M6PR: variants seen among roughly 807,000 people sequenced by gnomAD.
M6PR encodes the protein mannose-6-phosphate receptor, cation dependent, also known as cation-dependent mannose-6-phosphate receptor.
M6PR carries 19 observed loss-of-function variants against 33.1 expected under a neutral mutation model. The observed-to-expected ratio is 0.57, with a 90% CI of 0.40 to 0.84. M6PR has a LOEUF of 0.84. Ranked by LOEUF, M6PR falls within the 40% of genes least tolerant of loss-of-function variation. The pLI is 0.00. For synonymous variants in M6PR, 111 were observed against 123.4 expected, an observed-to-expected ratio of 0.90 and a Z score of 0.67; for missense variants, 295 against 336.0, an observed-to-expected ratio of 0.88 and a Z score of 0.95.
At chr12:8,942,208 T>C in intron 6 of M6PR, 3 of 701,576 alleles carry the variant, frequency 4.3e-6, no homozygotes, top group East Asian at 5.4e-5. Flanking sequence ...GTGTTGCTCT[T>C]TCAGCAATGT....
At position 8,941,848 on chromosome 12, in the gene M6PR, T is replaced by G; in HGVS notation, c.804A>C (p.Glu268Asp). 6.2e-7 allele frequency: 1 copy of G among 1,614,162 alleles called. No individual in the cohort carries two copies. The highest frequency in any genetic ancestry group is 1.3e-5 in the African/African-American group (1 of 75,042). ...TTGGTAATAAATGGTCATCCCTTTC[T>G]TCTGACTCCTCCCCCAGCTGGTCAT... ...VGDDQLGEES[E>D]ERDDHLLPM The change falls in exon 7 of 7, where the codon GAA becomes GAC. Residue 268 changes from glutamate (E) to aspartate (D), a missense_variant. Coordinates refer to ENST00000000412, the MANE Select transcript of M6PR (RefSeq NM_002355.4).
At chr12:8,944,000 A>G (rs781316384) in intron 3 of M6PR, 90 bp from the exon 4 acceptor site, 104 of 831,318 alleles carry the variant, frequency 1.3e-4, no homozygotes, top group Non-Finnish European at 2.0e-4. Context: ...TGCGTAATTC[A>G]TTGCAATTGG....
At chr12:8,941,990 G>A (rs747073752) in intron 6 of M6PR, 50 bp from the exon 7 acceptor site, 1 of 1,603,556 alleles carries the variant, frequency 6.2e-7, no homozygotes, top group Non-Finnish European at 8.5e-7. Context: ...CTAACTTTAG[G>A]ATATGAGAAA....
chr12:8,942,501 A>G lies in M6PR; in HGVS notation c.626T>C (p.Leu209Pro). ...GGCTCCCACTACCAGTCGCTGGTAT[A>G]GGAACCCCCCAACAACATAAACAGC... is the stretch of plus-strand genomic sequence containing the variant. Reference protein sequence around the residue: ...LVAVYVVGGFLYQRLVVGAKG... With the variant: ...LVAVYVVGGFPYQRLVVGAKG... Residue 209 changes from leucine to proline, a missense_variant, in exon 6 of 7, where the codon CTA (leucine) becomes CCA (proline). Leu to Pro is a moderately conservative substitution (Grantham distance 98). Coordinates refer to ENST00000000412, the MANE Select transcript of M6PR (RefSeq NM_002355.4). The G allele has an allele frequency of 6.2e-7, 1 of 1,614,182 alleles. No homozygotes were observed. The highest frequency in any genetic ancestry group is 8.5e-7 in the Non-Finnish European group (1 of 1,179,992).
intron 1 of M6PR, among the ~76,000 whole-genome samples, chr12:8,947,185 G>C (rs1183178361): frequency 6.6e-6 from 1 of 152,096 alleles, no homozygotes; most frequent in East Asian, 1.9e-4. Context: ...AAAAAACGCT[G>C]CAAGTCTGGA....
rs763470756 is a variant in M6PR, at chr12:8,946,399, G to A, written c.6C>T (p.Phe2=). The change falls in exon 2 of 7, where the codon TTC becomes TTT. Residue 2 remains phenylalanine, a synonymous_variant. Coordinates refer to ENST00000000412, the MANE Select transcript of M6PR (RefSeq NM_002355.4). ...CAGTCCTCCAGCAGCTGTAGAAAGG[G>A]AACATCCTTTGGGAGAGAGTGTGTG... is the stretch of plus-strand genomic sequence containing the variant. M[F]PFYSCWRTGL... is the part of the protein sequence containing the mutation. 1.2e-6 allele frequency: 2 copies of A among 1,613,934 alleles called. No homozygotes were observed. Among genetic ancestry groups the A allele is most frequent in the Admixed American group, 1.7e-5 (1 of 60,032 alleles).
chr12:8,942,322 T>A, intron 6 of M6PR, 94 bp downstream of exon 6: 1 of 1,567,438 alleles, frequency 6.4e-7, no homozygotes, highest in South Asian at 1.1e-5. Flanking sequence ...ATGTCCTGTG[T>A]CCCAGGAACC....
chr12:8,945,322 T>C lies in M6PR; in HGVS notation c.343+96A>G, dbSNP rs1030045261. On this transcript the variant is annotated intron_variant, in intron 3 of 6. Transcript: ENST00000000412. Reference sequence around the variant, plus strand: ...GTGCCGAACCACACGTATGATATGCTGAAGACACTAGAAACGGCCAAGACA... The same window carrying C: ...GTGCCGAACCACACGTATGATATGCCGAAGACACTAGAAACGGCCAAGACA... The C allele has an allele frequency of 7.6e-6, 10 of 1,307,768 alleles. No individual in the cohort carries two copies. In the East Asian group the frequency reaches 2.3e-4, roughly 30 times the overall value. 81.0% of individuals were successfully genotyped at this position (1,307,768 alleles called of 1,614,324 possible).
In M6PR at chr12:8,946,373, C is replaced by G; in HGVS notation, c.32G>C (p.Gly11Ala). Residue 11 changes from glycine (G) to alanine (A), a missense_variant, in exon 2 of 7, where the codon GGA (glycine) becomes GCA (alanine). Transcript: ENST00000000412. MFPFYSCWRT[G>A]LLLLLLAVAV... ...CACAGCCAGGAGTAGTAGTAGCAGTCCAGTCCTCCAGCAGCTGTAGAAAGG... is the reference window on the plus strand; with the variant it reads ...CACAGCCAGGAGTAGTAGTAGCAGTGCAGTCCTCCAGCAGCTGTAGAAAGG... 1 of 1,613,642 alleles carries G rather than the reference C, an allele frequency of 6.2e-7. No individual in the cohort carries two copies. Among genetic ancestry groups the G allele is most frequent in the Non-Finnish European group, 8.5e-7 (1 of 1,179,894 alleles).
chr12:8,942,221 T>TAC lies in M6PR; in HGVS notation c.711+193_711+194dup, dbSNP rs370428068. ...CAGTGTTGCTCTTTCAGCAATGTCT[T>TAC]ACCAAGGCCAGAAATGGATGCTGTG... is the stretch of plus-strand genomic sequence containing the variant. On this transcript the variant is annotated intron_variant, in intron 6 of 6. Transcript: ENST00000000412. The TAC allele has an allele frequency of 2.0e-5, 15 of 732,694 alleles. No individual in the cohort carries two copies. The African/African-American group carries it at 2.7e-4, about 13-fold the overall frequency. The allele number at this position is 732,694 out of a possible 1,614,324, so 45.4% of individuals were successfully genotyped here. A position where few individuals can be genotyped will look rare whatever the true frequency, so the allele number is the denominator to read the frequency against.
intron 3 of M6PR, chr12:8,945,164 A>C (rs1592223427): frequency 1.6e-5 from 6 of 372,808 alleles, no homozygotes; most frequent in South Asian, 6.9e-5. Context: ...TCTCAAAACA[A>C]AACAAAACAA....
rs962136980 is a variant in M6PR at position 8,946,491 on chromosome 12, G to A, written c.-1-86C>T. The A allele has an allele frequency of 2.2e-5, 23 of 1,035,148 alleles. No homozygotes were observed. In the African/African-American group the frequency reaches 2.5e-4, roughly 11 times the overall value. The allele number at this position is 1,035,148 out of a possible 1,614,324, so 64.1% of individuals were successfully genotyped here. A position where few individuals can be genotyped will look rare whatever the true frequency, so the allele number is the denominator to read the frequency against. On this transcript the variant is annotated intron_variant, in intron 1 of 6. Transcript: ENST00000000412. ...AAAGCGTATGAATGTGTAATAAATC[G>A]ATGGTATTTTAATTATCCAGAAAGT...
At chr12:8,942,378 T>A in intron 6 of M6PR, 38 bp downstream of exon 6, 5 of 1,614,034 alleles carry the variant, frequency 3.1e-6, no homozygotes, top group South Asian at 1.1e-5. Flanking sequence ...CAACCTTGTT[T>A]GCAGGCTACA....
chr12:8,947,020 TTA>T (rs1327534828), intron 1 of M6PR, among the ~76,000 whole-genome samples: 1 of 152,178 alleles, frequency 6.6e-6, no homozygotes, highest in Non-Finnish European at 1.5e-5. Context: ...TTCTTTTCTC[TTA>T]TCCATCTTCA....
intron 1 of M6PR, among the ~76,000 whole-genome samples, chr12:8,947,215 T>C (rs938633375): frequency 1.1e-4 from 17 of 152,202 alleles, no homozygotes; most frequent in African/African-American, 4.1e-4. Flanking sequence ...GAATATTCTT[T>C]AAAGTTCTCT....
chr12:8,943,492 T>A lies in M6PR; in HGVS notation c.497A>T (p.Asp166Val). Residue 166 changes from aspartate (D) to valine (V), a missense_variant, in exon 5 of 7, where the codon GAT (aspartate) becomes GTT (valine). Physicochemically the swap from Asp to Val is radical, Grantham distance 152. Transcript: ENST00000000412. ...ATCCATCTCAAAGAGGTAGAAACAATCTTGGACTTTGCCACGCTCCTCAGA... is the reference window on the plus strand; with the variant it reads ...ATCCATCTCAAAGAGGTAGAAACAAACTTGGACTTTGCCACGCTCCTCAGA... ...PVSEERGKVQ[D>V]CFYLFEMDSS... 1 of 1,614,178 alleles carries A rather than the reference T, an allele frequency of 6.2e-7. No homozygotes were observed. The highest frequency in any genetic ancestry group is 1.1e-5 in the South Asian group (1 of 91,084).
At chr12:8,942,907 G>A (rs1418405260) in intron 5 of M6PR, among the ~76,000 whole-genome samples, 1 of 151,614 alleles carries the variant, frequency 6.6e-6, no homozygotes, top group Non-Finnish European at 1.5e-5. Flanking sequence ...ATCTATACCG[G>A]CAACTAAACA....
At chr12:8,948,473 GATAACTGCTGGAAAACTT>G (rs1946136893) in intron 1 of M6PR, among the ~76,000 whole-genome samples, 1 of 152,178 alleles carries the variant, frequency 6.6e-6, no homozygotes, top group Admixed American at 6.5e-5. Flanking sequence ...GTGGCATAAA[GATAACTGCTGGAAAACTT>G]ATAAACATAG....
intron 1 of M6PR, among the ~76,000 whole-genome samples, chr12:8,947,243 G>T (rs1317627574): frequency 6.6e-6 from 1 of 152,062 alleles, no homozygotes; most frequent in Non-Finnish European, 1.5e-5. Flanking sequence ...TTTCATGCGG[G>T]TCCACTTACT....
Sources: gnomAD v4.1 joint callset for allele counts (sites outside exome capture counted in the v4.1 genomes callset) on GRCh38, gnomAD v4.1.1 for gene constraint, MANE v1.5 for transcripts, NCBI Gene and HGNC (gene_info 2026-07-23, HGNC 2026-07-21) for gene names.